Variants in KLF12 observed in about 807,000 individuals in gnomAD.
The protein encoded by KLF12 is KLF transcription factor 12, also known as Krueppel-like factor 12.
Under a neutral mutation model 37.8 loss-of-function variants are expected in KLF12, and 9 were observed. The observed-to-expected ratio is 0.24, with a 90% CI of 0.14 to 0.42. The LOEUF (loss-of-function observed/expected upper bound fraction) is 0.42, where lower values mean the gene tolerates loss of function less well. Ranked by LOEUF, KLF12 falls within the 10% of genes least tolerant of loss-of-function variation. The pLI is 1.00. For missense variants in KLF12, 411 were observed against 516.0 expected, an observed-to-expected ratio of 0.80 and a Z score of 1.97; for synonymous variants, 208 against 202.1, an observed-to-expected ratio of 1.03 and a Z score of -0.25.
At chr13:74,260,553 C>CTAAAATAAAATAAAA in the KLF12 span, among the ~76,000 whole-genome samples, 4 of 101,684 alleles carry the variant, frequency 3.9e-5, no homozygotes, top group African/African-American at 2.2e-4. Flanking sequence ...AACACTGTTT[C>CTAAAATAAAATAAAA]TAAAATAAAA....
At chr13:74,230,413 A>G in the KLF12 span, among the ~76,000 whole-genome samples, 1 of 152,156 alleles carries the variant, frequency 6.6e-6, no homozygotes, top group Non-Finnish European at 1.5e-5. Context: ...CGTATCTTTA[A>G]GTTTTCTGTG....
intron 6 of KLF12, among the ~76,000 whole-genome samples, chr13:73,764,542 T>G (rs1320994954): frequency 6.6e-6 from 1 of 152,056 alleles, no homozygotes; most frequent in Non-Finnish European, 1.5e-5. Context: ...CTGAGTTCGT[T>G]GTAATCCCCA....
intron 5 of KLF12, among the ~76,000 whole-genome samples, chr13:73,798,372 T>G (rs527457890): frequency 1.8e-4 from 28 of 152,214 alleles, no homozygotes; most frequent in African/African-American, 6.7e-4. Flanking sequence ...AAAGATTTAA[T>G]GACAAAGACA....
At chr13:73,737,828 A>AT (rs1033164976) in intron 6 of KLF12, among the ~76,000 whole-genome samples, 3 of 152,034 alleles carry the variant, frequency 2.0e-5, no homozygotes, top group Non-Finnish European at 4.4e-5. Flanking sequence ...CTAATTAAGC[A>AT]TTTTCTTTAG....
intron 4 of KLF12, among the ~76,000 whole-genome samples, chr13:73,834,787 C>A (rs980103672): frequency 2.0e-5 from 3 of 152,334 alleles, no homozygotes; most frequent in African/African-American, 7.2e-5. Context: ...GCTGAAATTA[C>A]AGGCGTGAGC....
chr13:73,892,413 G>A (rs991119722), intron 3 of KLF12, among the ~76,000 whole-genome samples: 7 of 152,086 alleles, frequency 4.6e-5, no homozygotes, highest in African/African-American at 1.7e-4. Flanking sequence ...AAAAACGCTA[G>A]AATCAAATGT....
At chr13:74,071,497 T>G (rs984808810) in intron 1 of KLF12, among the ~76,000 whole-genome samples, 1 of 149,984 alleles carries the variant, frequency 6.7e-6, no homozygotes, top group South Asian at 2.1e-4. Context: ...CCATCCTGGC[T>G]AACACAGTGA....
intron 2 of KLF12, among the ~76,000 whole-genome samples, chr13:73,988,008 A>G: frequency 6.6e-6 from 1 of 152,166 alleles, no homozygotes; most frequent in East Asian, 1.9e-4. Flanking sequence ...TGTCTAAATA[A>G]AGATGTCATT....
chr13:73,801,706 G>C (rs981481955), intron 5 of KLF12: 1 of 152,016 alleles, frequency 6.6e-6, no homozygotes, highest in Non-Finnish European at 1.5e-5. Context: ...AATCGGTTTG[G>C]AATACACTGT....
At chr13:74,193,387 T>C in the KLF12 span, among the ~76,000 whole-genome samples, 1 of 152,198 alleles carries the variant, frequency 6.6e-6, no homozygotes, top group South Asian at 2.1e-4. Flanking sequence ...AAACTATTAT[T>C]ACCCTTTCTT....
chr13:74,049,430 A>G (rs566460058), intron 1 of KLF12, among the ~76,000 whole-genome samples: 1 of 152,290 alleles, frequency 6.6e-6, no homozygotes, highest in South Asian at 2.1e-4. Flanking sequence ...CTCTGCTGAG[A>G]AGAGCACAGA....
chr13:74,192,608 A>G, the KLF12 span, among the ~76,000 whole-genome samples: 6 of 152,228 alleles, frequency 3.9e-5, no homozygotes, highest in African/African-American at 1.4e-4. Context: ...CAGTTTCGTT[A>G]GTTTATATTT....
upstream of KLF12, among the ~76,000 whole-genome samples, chr13:74,137,421 A>C (rs1376912838): frequency 6.6e-6 from 1 of 152,322 alleles, no homozygotes; most frequent in South Asian, 2.1e-4. Flanking sequence ...TATATATAAA[A>C]ACTTCATTTA....
At chr13:74,216,855 A>G in the KLF12 span, among the ~76,000 whole-genome samples, 2 of 152,144 alleles carry the variant, frequency 1.3e-5, no homozygotes, top group African/African-American at 4.8e-5. Flanking sequence ...TTGACAATGA[A>G]TTTCTTTTCA....
intron 5 of KLF12, among the ~76,000 whole-genome samples, chr13:73,786,522 T>C (rs77327257): frequency 0.011 from 1,691 of 152,158 alleles, 37 homozygotes; most frequent in African/African-American, 0.038. Context: ...GGCTTCAGCT[T>C]ACACTATCCC....
intron 7 of KLF12, among the ~76,000 whole-genome samples, chr13:73,702,622 T>C (rs957546893): frequency 6.6e-6 from 1 of 152,160 alleles, no homozygotes; most frequent in African/African-American, 2.4e-5. Context: ...GCACAGGCAT[T>C]TTCTTAGGTT....
At chr13:74,175,668 G>A in the KLF12 span, among the ~76,000 whole-genome samples, 1 of 152,182 alleles carries the variant, frequency 6.6e-6, no homozygotes, top group African/African-American at 2.4e-5. Flanking sequence ...CTATGTAATT[G>A]TAATTCCAAT....
the KLF12 span, among the ~76,000 whole-genome samples, chr13:74,154,947 C>A: frequency 0.4 from 61,004 of 152,158 alleles, 14,029 homozygotes; most frequent in East Asian, 0.79. Flanking sequence ...AAGCTGGTAT[C>A]CCCTAGAATT....
At chr13:73,906,085 CACA>C (rs922716624) in intron 3 of KLF12, among the ~76,000 whole-genome samples, 15 of 152,092 alleles carry the variant, frequency 9.9e-5, no homozygotes, top group African/African-American at 2.7e-4. Flanking sequence ...CAACTCTCAC[CACA>C]ACGATTGTGA....
Sources: allele counts gnomAD v4.1 joint callset (sites outside exome capture counted in the v4.1 genomes callset), GRCh38; gene constraint gnomAD v4.1.1; transcripts MANE v1.5; gene names NCBI Gene and HGNC (gene_info 2026-07-23, HGNC 2026-07-21).